The following ZNF516 variants were observed in gnomAD, a reference collection of about 807,000 sequenced individuals.
ZNF516 encodes the protein zinc finger protein 516.
ZNF516 carries 19 observed loss-of-function variants against 79.7 expected under a neutral mutation model. That is an observed-to-expected ratio of 0.24 (90% CI 0.17 to 0.35). ZNF516 has a LOEUF of 0.35. Among genes scored for constraint, ZNF516 ranks in the 10% least tolerant of loss-of-function variants. The pLI is 1.00. For synonymous variants in ZNF516, 877 were observed against 739.5 expected (o/e 1.19, Z -3.02); for missense variants, 1,678 against 1,679.5 (o/e 1.00, Z 0.02).
At chr18:76,474,480 A>G (rs1261974098) in intron 1 of ZNF516, among the ~76,000 whole-genome samples, 1 of 152,224 alleles carries the variant, frequency 6.6e-6, no homozygotes, top group Non-Finnish European at 1.5e-5. Context: ...ACTCTCTGTA[A>G]CAACTCCTGA....
At chr18:76,439,055 T>C (rs1430586068) in intron 3 of ZNF516, among the ~76,000 whole-genome samples, 1 of 152,216 alleles carries the variant, frequency 6.6e-6, no homozygotes, top group Non-Finnish European at 1.5e-5. Context: ...GTTGCGTGTA[T>C]TTTTTCAGAA....
rs141487850 is a variant in ZNF516 at position 76,448,857 on chromosome 18, G to A, written c.-157-5646C>T. ...CAGGGAAGCATACTATTATCAAAGC[G>A]TGCTGGCAGCGCACCAGTAAGACAA... On this transcript the variant is annotated intron_variant, in intron 2 of 6. Transcript: ENST00000443185. 7.7e-3 allele frequency among the ~76,000 whole-genome samples: 1,174 copies of A among 152,256 alleles called. 14 individuals are homozygous for A. Among genetic ancestry groups the A allele is most frequent in the African/African-American group, 0.026 (1,072 of 41,530 alleles).
intron 3 of ZNF516, among the ~76,000 whole-genome samples, chr18:76,422,187 A>G (rs886779896): frequency 1.3e-4 from 20 of 152,196 alleles, no homozygotes; most frequent in Admixed American, 2.6e-4. Flanking sequence ...GAGGACAAGC[A>G]CTAAATAAGA....
At chr18:76,447,076 TCTC>T (rs1912095314) in intron 2 of ZNF516, among the ~76,000 whole-genome samples, 1 of 152,146 alleles carries the variant, frequency 6.6e-6, no homozygotes, top group Non-Finnish European at 1.5e-5. Context: ...TGCAACGAAC[TCTC>T]CTAAGGGGTT....
chr18:76,371,277 CA>C (rs563974149), intron 5 of ZNF516, among the ~76,000 whole-genome samples, 189 bp downstream of exon 5: 97 of 152,238 alleles, frequency 6.4e-4, no homozygotes, highest in Non-Finnish European at 1.1e-3. Flanking sequence ...ACATGGACAC[CA>C]AAAAAACCCA....
chr18:76,417,938 G>T (rs1316573152), intron 3 of ZNF516, among the ~76,000 whole-genome samples: 1 of 152,210 alleles, frequency 6.6e-6, no homozygotes, highest in Non-Finnish European at 1.5e-5. Context: ...CGGCCAGAGG[G>T]TCAAGTATAG....
chr18:76,400,080 G>A (rs760856171), intron 3 of ZNF516, among the ~76,000 whole-genome samples: 7 of 151,998 alleles, frequency 4.6e-5, no homozygotes, highest in East Asian at 1.9e-4. Context: ...TCCTGCACAC[G>A]CCCCCACTTT....
At chr18:76,371,373 C>T (rs781378921) in intron 5 of ZNF516, 94 bp downstream of exon 5, 5 of 1,286,488 alleles carry the variant, frequency 3.9e-6, no homozygotes, top group East Asian at 2.6e-5. Flanking sequence ...GCTGAAATCT[C>T]AGTATCTCCC....
At chr18:76,429,663 A>C (rs1320766549) in intron 3 of ZNF516, among the ~76,000 whole-genome samples, 1 of 152,210 alleles carries the variant, frequency 6.6e-6, no homozygotes, top group Admixed American at 6.5e-5. Flanking sequence ...ACTGCCCAGG[A>C]AACTTCCACA....
intron 2 of ZNF516, among the ~76,000 whole-genome samples, chr18:76,449,110 A>G (rs1424853734): frequency 6.6e-6 from 1 of 151,916 alleles, no homozygotes; most frequent in Non-Finnish European, 1.5e-5. Flanking sequence ...GCACCTCCCA[A>G]CTCACTCTTG....
chr18:76,404,651 A>T (rs1011917593), intron 3 of ZNF516, among the ~76,000 whole-genome samples: 7 of 152,166 alleles, frequency 4.6e-5, no homozygotes, highest in African/African-American at 1.4e-4. Flanking sequence ...ATGCATGTGC[A>T]TGTGTACATG....
At chr18:76,476,794 T>G (rs1437222852) in intron 1 of ZNF516, among the ~76,000 whole-genome samples, 1 of 152,218 alleles carries the variant, frequency 6.6e-6, no homozygotes, top group East Asian at 1.9e-4. Flanking sequence ...CGTAGGCAAC[T>G]GAACAACTAT....
At chr18:76,392,618 C>T (rs1599171915) in intron 3 of ZNF516, among the ~76,000 whole-genome samples, 1 of 81,002 alleles carries the variant, frequency 1.2e-5, no homozygotes, top group Non-Finnish European at 2.3e-5. Context: ...GGTGGGAAGA[C>T]AAGTGGCCAG....
intron 3 of ZNF516, among the ~76,000 whole-genome samples, chr18:76,401,514 C>T (rs533234386): frequency 6.6e-6 from 1 of 152,228 alleles, no homozygotes; most frequent in South Asian, 2.1e-4. Context: ...CATCAAAAAG[C>T]TGGTCACAAG....
At chr18:76,485,928 TAATAAA>T (rs910470260) in intron 1 of ZNF516, among the ~76,000 whole-genome samples, 1 of 149,276 alleles carries the variant, frequency 6.7e-6, no homozygotes, top group Non-Finnish European at 1.5e-5. Context: ...ATAATAATAA[TAATAAA>T]CATACTTTTT....
chr18:76,369,896 CCGCTGCG>C, intron 6 of ZNF516, among the ~76,000 whole-genome samples: 1 of 152,212 alleles, frequency 6.6e-6, no homozygotes, highest in Non-Finnish European at 1.5e-5. Context: ...TGCAAGAGAC[CCGCTGCG>C]GGCTGTGGGT....
At chr18:76,485,916 A>AAATAATAAT (rs147558930) in intron 1 of ZNF516, among the ~76,000 whole-genome samples, 9 of 148,414 alleles carry the variant, frequency 6.1e-5, no homozygotes, top group Admixed American at 1.3e-4. Flanking sequence ...TTTTTGACAA[A>AAATAATAAT]AATAATAATA....
At chr18:76,418,515 A>G (rs2075465567) in intron 3 of ZNF516, among the ~76,000 whole-genome samples, 1 of 152,032 alleles carries the variant, frequency 6.6e-6, no homozygotes, top group Admixed American at 6.5e-5. Context: ...ACGCACTGTA[A>G]CACACTATAA....
At chr18:76,473,017 T>C (rs938388049) in intron 1 of ZNF516, among the ~76,000 whole-genome samples, 9 of 152,206 alleles carry the variant, frequency 5.9e-5, no homozygotes, top group Admixed American at 6.5e-5. Flanking sequence ...TTCTAACTTC[T>C]TTCCCAAAGG....
Sources: allele counts gnomAD v4.1 joint callset (sites outside exome capture counted in the v4.1 genomes callset), GRCh38; gene constraint gnomAD v4.1.1; transcripts MANE v1.5; gene names NCBI Gene and HGNC (gene_info 2026-07-23, HGNC 2026-07-21).